The following RNF150 variants were observed in gnomAD, a reference collection of about 807,000 sequenced individuals.
RNF150 encodes the protein ring finger protein 150.
A neutral mutation model predicts 39.3 loss-of-function variants in RNF150; 24 were observed. The ratio of observed to expected loss-of-function variants is 0.61; its 90% confidence interval spans 0.44 to 0.86. The LOEUF (loss-of-function observed/expected upper bound fraction) is 0.86, where lower values mean the gene tolerates loss of function less well. Among genes scored for constraint, RNF150 ranks in the 40% least tolerant of loss-of-function variants. The pLI is 0.00. For missense variants in RNF150, 502 were observed against 587.8 expected (o/e 0.85, Z 1.51); for synonymous variants, 255 against 227.3 (o/e 1.12, Z -1.10).
Position 141,179,767 on chromosome 4 carries a change from T to A in RNF150, c.-6+33027A>T, listed in dbSNP as rs193106219. The stretch of plus-strand genomic sequence containing the variant: ...TGTCGCAGGGGAAAGATTAGACAGA[T>A]TAATTAGTACTCATTACTGTGGAGC... On this transcript the variant is annotated intron_variant, in intron 1 of 7. Coordinates refer to the RNF150 transcript ENST00000420921. 2.0e-3 allele frequency among the ~76,000 whole-genome samples: 302 copies of A among 152,244 alleles called. 1 individual carries two copies. The highest frequency in any genetic ancestry group is 7.1e-3 in the African/African-American group (293 of 41,556).
At chr4:140,981,460 T>A (rs1733856804) in intron 1 of RNF150, among the ~76,000 whole-genome samples, 2 of 152,162 alleles carry the variant, frequency 1.3e-5, no homozygotes, top group Non-Finnish European at 2.9e-5. Context: ...TCTAGGCCAC[T>A]CACTTGGACA....
Position 141,188,831 on chromosome 4 carries a change from T to C in RNF150, c.-6+23963A>G, listed in dbSNP as rs913199109. On this transcript the variant is annotated intron_variant, in intron 1 of 7. Transcript: ENST00000420921. ...TTGCTTTGGGCTAGAAAATGTCCTTTAGCTTGGAAGAGGTTTTTATTACCC... is the reference window on the plus strand; with the variant it reads ...TTGCTTTGGGCTAGAAAATGTCCTTCAGCTTGGAAGAGGTTTTTATTACCC... Among the ~76,000 whole-genome samples the C allele has an allele frequency of 3.1e-4, 47 of 152,246 alleles. 1 individual carries two copies. The highest frequency in any genetic ancestry group is 1.5e-4 in the Non-Finnish European group (10 of 68,046).
intron 1 of RNF150, among the ~76,000 whole-genome samples, chr4:141,064,278 C>T (rs1334719459): frequency 6.6e-6 from 1 of 152,194 alleles, no homozygotes; most frequent in East Asian, 1.9e-4. Flanking sequence ...GTCGTGGACT[C>T]CGTAAGAAAA....
chr4:141,095,935 A>G (rs1738756832), intron 1 of RNF150, among the ~76,000 whole-genome samples: 2 of 152,176 alleles, frequency 1.3e-5, no homozygotes, highest in African/African-American at 4.8e-5. Flanking sequence ...CACATGTTAC[A>G]TAAACATGCA....
rs1260370433 is a variant in RNF150, at chr4:140,957,571, A to C, written c.736-8199T>G. Among the ~76,000 whole-genome samples, 4 of 152,160 alleles carry C rather than the reference A, an allele frequency of 2.6e-5. No homozygotes were observed. In the East Asian group the frequency reaches 7.7e-4, roughly 29 times the overall value. ...CTGGGTATATACCCAAAGGACTATA[A>C]ATCATGCTGCTATAAAGACACATGT... On this transcript the variant is annotated intron_variant, in intron 2 of 6. Transcript: ENST00000515673.
At chr4:141,130,277 C>T (rs1726856726) in intron 1 of RNF150, among the ~76,000 whole-genome samples, 1 of 152,210 alleles carries the variant, frequency 6.6e-6, no homozygotes, top group Non-Finnish European at 1.5e-5. Flanking sequence ...GAAATCAATG[C>T]TAGCCTCTGA....
intron 6 of RNF150, among the ~76,000 whole-genome samples, chr4:140,880,069 CT>C (rs1729315426): frequency 6.7e-6 from 1 of 150,118 alleles, no homozygotes; most frequent in Admixed American, 6.7e-5. Context: ...GCATTCTTGT[CT>C]TGTTCCTGAT....
At chr4:141,061,564 C>A (rs1226610481) in intron 1 of RNF150, among the ~76,000 whole-genome samples, 1 of 152,108 alleles carries the variant, frequency 6.6e-6, no homozygotes, top group Non-Finnish European at 1.5e-5. Flanking sequence ...TAACACAATA[C>A]ACATAAGTGG....
intron 1 of RNF150, among the ~76,000 whole-genome samples, chr4:141,155,252 A>ATTTTTTTTTTTT (rs70946798): frequency 2.8e-4 from 35 of 126,402 alleles, no homozygotes; most frequent in Non-Finnish European, 4.2e-4. Context: ...CACCCGGCTG[A>ATTTTTTTTTTTT]TTTTTTTTTT....
chr4:140,872,120 A>G (rs1288576873), intron 6 of RNF150, among the ~76,000 whole-genome samples: 1 of 152,216 alleles, frequency 6.6e-6, no homozygotes, highest in African/African-American at 2.4e-5. Flanking sequence ...TTATAATTTA[A>G]TCAAGACAGA....
chr4:140,910,289 A>AAGAC (rs1380560693), intron 6 of RNF150, among the ~76,000 whole-genome samples: 6 of 152,196 alleles, frequency 3.9e-5, no homozygotes, highest in African/African-American at 1.2e-4. Context: ...AAGAGAAAGA[A>AAGAC]AGACACTTCG....
At chr4:141,051,209 A>C (rs929971514) in intron 1 of RNF150, among the ~76,000 whole-genome samples, 19 of 152,168 alleles carry the variant, frequency 1.2e-4, no homozygotes, top group African/African-American at 4.3e-4. Flanking sequence ...TGCACACAGC[A>C]TGGCCCATGA....
intron 1 of RNF150, among the ~76,000 whole-genome samples, chr4:141,000,031 AG>A (rs1415053663): frequency 0.12 from 6,204 of 52,530 alleles, 1,325 homozygotes; most frequent in Non-Finnish European, 0.19. Context: ...AAGAAGAAGA[AG>A]AAGAAGAAGA....
rs753370765 is a variant in RNF150, at chr4:140,949,294, C to CAAT, written c.807+6_807+7insATT. On this transcript the variant is annotated splice_region_variant and intron_variant, in intron 3 of 6. Coordinates refer to ENST00000515673, the MANE Select transcript of RNF150 (RefSeq NM_020724.2). Reference sequence around the variant, plus strand: ...TCCTCACCAAAAAGAAAAGAGGCTGCTATTACCTTGTCACCCTTCTTGATG... The same window carrying CAAT: ...TCCTCACCAAAAAGAAAAGAGGCTGCAATTATTACCTTGTCACCCTTCTTGATG... 6.2e-7 allele frequency: 1 copy of CAAT among 1,606,918 alleles called. No individual in the cohort carries two copies. The highest frequency in any genetic ancestry group is 1.7e-5 in the Admixed American group (1 of 59,658).
intron 1 of RNF150, among the ~76,000 whole-genome samples, chr4:141,190,365 G>C (rs1407199545): frequency 6.6e-6 from 1 of 152,188 alleles, no homozygotes; most frequent in Admixed American, 6.5e-5. Flanking sequence ...AGCCCTAAGA[G>C]AGAGAGTCTT....
Position 140,926,023 on chromosome 4 carries a change from G to A in RNF150, c.941C>T (p.Thr314Ile). Reference protein sequence around the residue: ...CVDPWLLDHRTCPMCKMNILK... With the variant: ...CVDPWLLDHRICPMCKMNILK... ...AATGTTCATCTTGCACATGGGACAG[G>A]TACGATGGTCTAGAAGCCAGGGGTC... The change falls in exon 5 of 7, where the codon ACC becomes ATC. Residue 314 changes from threonine (T) to isoleucine (I), a missense_variant. Thr to Ile is a moderately conservative substitution (Grantham distance 89). Transcript: ENST00000515673. 6.2e-7 allele frequency: 1 copy of A among 1,614,062 alleles called. No individual in the cohort carries two copies. The highest frequency in any genetic ancestry group is 8.5e-7 in the Non-Finnish European group (1 of 1,179,902).
chr4:141,186,997 A>ATAGAT (rs1728024582), intron 1 of RNF150, among the ~76,000 whole-genome samples: 1 of 152,150 alleles, frequency 6.6e-6, no homozygotes. Context: ...CGTTAGTGCA[A>ATAGAT]TAGATTTCCC....
chr4:141,081,961 A>C (rs1738166052), intron 1 of RNF150, among the ~76,000 whole-genome samples: 1 of 152,194 alleles, frequency 6.6e-6, no homozygotes, highest in Admixed American at 6.5e-5. Context: ...CTTTATGGTC[A>C]CTCTGCATTC....
intron 1 of RNF150, among the ~76,000 whole-genome samples, chr4:141,179,286 A>G (rs1727865429): frequency 6.6e-6 from 1 of 152,110 alleles, no homozygotes; most frequent in South Asian, 2.1e-4. Context: ...AGATTCTCTG[A>G]CTTCATTTCT....
Sources: gnomAD v4.1 joint callset for allele counts (sites outside exome capture counted in the v4.1 genomes callset) on GRCh38, gnomAD v4.1.1 for gene constraint, MANE v1.5 for transcripts, NCBI Gene and HGNC (gene_info 2026-07-23, HGNC 2026-07-21) for gene names.